PLAC1: variants seen among roughly 807,000 people sequenced by gnomAD.
The protein encoded by PLAC1 is placenta associated 1, also known as placenta-specific protein 1.
For synonymous variants in PLAC1, 68 were observed against 62.1 expected, an observed-to-expected ratio of 1.09 and a Z score of -0.44; for missense variants, 136 against 163.2, an observed-to-expected ratio of 0.83 and a Z score of 0.91.
At chrX:134,687,868 A>ATG (rs2078523627) in intron 2 of PLAC1, among the ~76,000 whole-genome samples, 1 of 60,193 alleles carries the variant, frequency 1.7e-5, no homozygotes, top group African/African-American at 6.5e-5. Context: ...ATATATATAT[A>ATG]GCACCTAGCA....
chrX:134,607,540 C>A (rs2078128451), intron 1 of PLAC1: 1 of 174,321 alleles, frequency 5.7e-6, no homozygotes. Context: ...ACTGAAGCAC[C>A]AGCCCGCTCC....
intron 1 of PLAC1, among the ~76,000 whole-genome samples, chrX:134,638,230 A>G (rs1426814059): frequency 8.9e-6 from 1 of 112,464 alleles, no homozygotes; most frequent in Non-Finnish European, 1.9e-5. Flanking sequence ...CTTCTACTTC[A>G]AAATTCATTG....
At position 134,715,482 on chromosome X, in the gene PLAC1, G is replaced by A. The variant is rs2078640836; in HGVS notation, n.174+17953C>T. ...CCCTAACACACTGAGTTCTGAAACC[G>A]TTCTACCTTGGGCTACTGCTATTCA... On this transcript the variant is annotated intron_variant and non_coding_transcript_variant, in intron 2 of 2. Transcript: ENST00000466797. 4.0e-5 allele frequency among the ~76,000 whole-genome samples: 4 copies of A among 100,480 alleles called. No individual in the cohort carries two copies. In the South Asian group the frequency reaches 1.9e-3, roughly 47 times the overall value. The allele number at this position is 100,480 out of a possible 115,157, so 87.3% of individuals were successfully genotyped here. A position where few individuals can be genotyped will look rare whatever the true frequency, so the allele number is the denominator to read the frequency against.
At chrX:134,743,671 G>C (rs1182965721) in intron 1 of PLAC1, among the ~76,000 whole-genome samples, 1 of 111,329 alleles carries the variant, frequency 9.0e-6, no homozygotes, top group Admixed American at 9.5e-5. Context: ...TACAAATAAG[G>C]TAGCCTCCTG....
At chrX:134,680,700 G>A (rs1429120978) in intron 2 of PLAC1, among the ~76,000 whole-genome samples, 4 of 112,010 alleles carry the variant, frequency 3.6e-5, no homozygotes, top group African/African-American at 9.8e-5. Context: ...TATATGTGGT[G>A]CATTCGCTGC....
In PLAC1 at chrX:134,721,940, C is replaced by T. The variant is rs769527550; in HGVS notation, n.174+11495G>A. The stretch of plus-strand genomic sequence containing the variant: ...GCAAGGGTGTGGAAGAATTGGAACG[C>T]TCATACATTGCTGGTGAGAATGTAA... On this transcript the variant is annotated intron_variant and non_coding_transcript_variant, in intron 2 of 2. Coordinates refer to the PLAC1 transcript ENST00000466797. Among the ~76,000 whole-genome samples, 25 of 111,992 alleles carry T rather than the reference C, an allele frequency of 2.2e-4. 1 individual carries two copies. Among genetic ancestry groups the T allele is most frequent in the Admixed American group, 2.2e-3 (23 of 10,554 alleles).
At chrX:134,713,149 C>A (rs764313796) in intron 2 of PLAC1, among the ~76,000 whole-genome samples, 4 of 111,463 alleles carry the variant, frequency 3.6e-5, no homozygotes, top group Non-Finnish European at 7.5e-5. Flanking sequence ...CCCCAAAGGT[C>A]CCAAACCCCA....
chrX:134,736,222 G>A (rs949356423), intron 1 of PLAC1, among the ~76,000 whole-genome samples: 3 of 110,355 alleles, frequency 2.7e-5, no homozygotes, highest in African/African-American at 9.9e-5. Flanking sequence ...GTTGCAGTGA[G>A]CTGAGATGAT....
chrX:134,739,338 C>T (rs1268801793), intron 1 of PLAC1, among the ~76,000 whole-genome samples: 1 of 112,241 alleles, frequency 8.9e-6, no homozygotes, highest in African/African-American at 3.2e-5. Flanking sequence ...AGCTCAGGGT[C>T]CAAAAGTGGG....
chrX:134,598,648 G>C (rs2078073062), intron 2 of PLAC1, among the ~76,000 whole-genome samples: 1 of 102,658 alleles, frequency 9.7e-6, no homozygotes, highest in East Asian at 2.8e-4. Context: ...AAGTGGTCGA[G>C]AAGGGTTGTT....
intron 2 of PLAC1, among the ~76,000 whole-genome samples, chrX:134,686,916 G>A (rs777318237): frequency 8.1e-5 from 9 of 111,553 alleles, no homozygotes; most frequent in Admixed American, 7.7e-4. Flanking sequence ...ACAGAATTGG[G>A]TGGTAATGCA....
At chrX:134,727,370 A>C (rs1285867250) in intron 2 of PLAC1, among the ~76,000 whole-genome samples, 1 of 112,151 alleles carries the variant, frequency 8.9e-6, no homozygotes, top group Non-Finnish European at 1.9e-5. Context: ...ATTCTGACAT[A>C]AAGGCAGATA....
intron 1 of PLAC1, among the ~76,000 whole-genome samples, chrX:134,634,572 T>C (rs2078275349): frequency 8.9e-6 from 1 of 111,874 alleles, no homozygotes; most frequent in African/African-American, 3.3e-5. Context: ...TAATTTCTAT[T>C]TGTATGGATT....
chrX:134,745,195 A>G (rs1189341261), intron 1 of PLAC1, among the ~76,000 whole-genome samples: 1 of 111,480 alleles, frequency 9.0e-6, no homozygotes, highest in Non-Finnish European at 1.9e-5. Flanking sequence ...GCAGTTGAAG[A>G]CCTCACACCC....
chrX:134,761,537 G>A (rs1473154057), intron 1 of PLAC1, among the ~76,000 whole-genome samples: 1 of 111,955 alleles, frequency 8.9e-6, no homozygotes, highest in African/African-American at 3.3e-5. Context: ...GCCTTATAAG[G>A]ATATGTAAAT....
chrX:134,707,956 C>A, intron 2 of PLAC1, among the ~76,000 whole-genome samples: 1 of 110,751 alleles, frequency 9.0e-6, no homozygotes, highest in South Asian at 3.8e-4. Flanking sequence ...AGAGCAACCA[C>A]AAAAAAAGCT....
At chrX:134,574,708 T>C (rs1284912221) in intron 2 of PLAC1, among the ~76,000 whole-genome samples, 2 of 111,352 alleles carry the variant, frequency 1.8e-5, no homozygotes, top group African/African-American at 6.5e-5. Flanking sequence ...AGTGGAACTC[T>C]CCCCTAGTCT....
intron 2 of PLAC1, among the ~76,000 whole-genome samples, chrX:134,675,458 G>C (rs1205726169): frequency 8.9e-6 from 1 of 111,906 alleles, no homozygotes; most frequent in Non-Finnish European, 1.9e-5. Context: ...CTGAGGTCGG[G>C]AGTTCAAGAC....
At chrX:134,644,196 A>G (rs984823617) in intron 1 of PLAC1, among the ~76,000 whole-genome samples, 3 of 111,417 alleles carry the variant, frequency 2.7e-5, no homozygotes, top group African/African-American at 9.8e-5. Context: ...TAGAATTAAT[A>G]GCATCAGAAA....
Sources: allele counts gnomAD v4.1 joint callset (sites outside exome capture counted in the v4.1 genomes callset), GRCh38; gene constraint gnomAD v4.1.1; transcripts MANE v1.5; gene names NCBI Gene and HGNC (gene_info 2026-07-23, HGNC 2026-07-21).